Variants in NAV2 observed in about 807,000 individuals in gnomAD.
The protein encoded by NAV2 is neuron navigator 2.
NAV2 carries 54 observed loss-of-function variants against 223.2 expected under a neutral mutation model. That is an observed-to-expected ratio of 0.24 (90% CI 0.19 to 0.30). The LOEUF is 0.30. NAV2 is among the 10% of genes least tolerant of loss of function. The probability of loss-of-function intolerance (pLI) is 1.00; values close to 1 mark genes in which losing one functional copy is unlikely to be tolerated. For synonymous variants in NAV2, 1,279 were observed against 1,239.3 expected (o/e 1.03, Z -0.67); for missense variants, 2,806 against 3,147.5 (o/e 0.89, Z 2.60).
intron 1 of NAV2, among the ~76,000 whole-genome samples, chr11:19,728,434 A>G (rs2051441576): frequency 6.6e-6 from 1 of 152,206 alleles, no homozygotes; most frequent in Admixed American, 6.5e-5. Context: ...ATTCTGATGC[A>G]CACCCTGGGG....
chr11:19,508,033 G>C (rs1164701916), intron 1 of NAV2, among the ~76,000 whole-genome samples: 1 of 152,192 alleles, frequency 6.6e-6, no homozygotes, highest in East Asian at 1.9e-4. Flanking sequence ...ATTTCAGTTG[G>C]CTCTGAAAGG....
At position 19,957,880 on chromosome 11, in the gene NAV2, C is replaced by G. The variant is rs139563323; in HGVS notation, c.2645+8800C>G. On this transcript the variant is annotated intron_variant, in intron 10 of 37. Coordinates refer to ENST00000349880, the MANE Select transcript of NAV2 (RefSeq NM_145117.5). Reference sequence around the variant, plus strand: ...ACAGATGTCTAATGGCAAATGCTGGCTTAGTAATTTATGGGGAAGAGAGAG... The same window carrying G: ...ACAGATGTCTAATGGCAAATGCTGGGTTAGTAATTTATGGGGAAGAGAGAG... Among the ~76,000 whole-genome samples, 293 of 152,062 alleles carry G rather than the reference C, an allele frequency of 1.9e-3. 1 individual carries two copies. Among genetic ancestry groups the G allele is most frequent in the African/African-American group, 6.7e-3 (277 of 41,448 alleles).
intron 5 of NAV2, among the ~76,000 whole-genome samples, chr11:19,886,574 A>G (rs2040998165): frequency 6.6e-6 from 1 of 152,228 alleles, no homozygotes; most frequent in Non-Finnish European, 1.5e-5. Context: ...ATGCACATAC[A>G]TAGGAAAGGA....
At chr11:19,662,958 G>A (rs565205542) in intron 1 of NAV2, among the ~76,000 whole-genome samples, 1 of 152,302 alleles carries the variant, frequency 6.6e-6, no homozygotes, top group Admixed American at 6.5e-5. Context: ...GCCTCGTGGA[G>A]GTCCAAAGCC....
chr11:19,462,370 C>T (rs1279672007), intron 1 of NAV2, among the ~76,000 whole-genome samples: 1 of 152,156 alleles, frequency 6.6e-6, no homozygotes, highest in Non-Finnish European at 1.5e-5. Flanking sequence ...TTATTCCTAT[C>T]TTATAGGTGG....
intron 9 of NAV2, 87 bp from the exon 10 acceptor site, chr11:19,948,604 T>C: frequency 7.3e-7 from 1 of 1,376,186 alleles, no homozygotes; most frequent in Non-Finnish European, 9.6e-7. Context: ...ATGAGGATTA[T>C]TTCATAATTC....
chr11:19,958,413 G>C (rs559983415), intron 10 of NAV2, among the ~76,000 whole-genome samples: 6 of 152,338 alleles, frequency 3.9e-5, no homozygotes, highest in African/African-American at 1.4e-4. Context: ...CAGCATAAGA[G>C]TGGTGAGTGA....
chr11:19,823,602 A>G (rs1444586311), intron 1 of NAV2, among the ~76,000 whole-genome samples: 1 of 152,186 alleles, frequency 6.6e-6, no homozygotes, highest in African/African-American at 2.4e-5. Context: ...CAGCCTCCCA[A>G]AGTGCTGGGA....
At chr11:19,646,433 G>C (rs375386550) in intron 1 of NAV2, among the ~76,000 whole-genome samples, 4 of 152,186 alleles carry the variant, frequency 2.6e-5, no homozygotes, top group East Asian at 1.9e-4. Flanking sequence ...TGGCAGGCAG[G>C]CTTCCTCATT....
chr11:20,023,311 G>T, intron 11 of NAV2, among the ~76,000 whole-genome samples: 1 of 152,052 alleles, frequency 6.6e-6, no homozygotes, highest in Non-Finnish European at 1.5e-5. Context: ...GGGCAAGGTT[G>T]CTGGTCAGGA....
chr11:19,357,634 T>C (rs931640510), intron 1 of NAV2, among the ~76,000 whole-genome samples: 1 of 152,292 alleles, frequency 6.6e-6, no homozygotes, highest in Admixed American at 6.5e-5. Context: ...GCTACTGCAT[T>C]TGAGTTTCCT....
chr11:19,683,299 G>T (rs1246887378), intron 1 of NAV2, among the ~76,000 whole-genome samples: 1 of 152,208 alleles, frequency 6.6e-6, no homozygotes, highest in African/African-American at 2.4e-5. Flanking sequence ...GTCAGGGGTT[G>T]CGGGGTGTAA....
chr11:19,809,014 C>T (rs1276044147), intron 1 of NAV2, among the ~76,000 whole-genome samples: 1 of 152,190 alleles, frequency 6.6e-6, no homozygotes, highest in Non-Finnish European at 1.5e-5. Flanking sequence ...TGAGTTAGAG[C>T]TCAGGGTTGT....
chr11:20,066,248 G>T (rs1308199532), intron 20 of NAV2, among the ~76,000 whole-genome samples: 1 of 152,198 alleles, frequency 6.6e-6, no homozygotes, highest in Non-Finnish European at 1.5e-5. Flanking sequence ...TAAAAATAGT[G>T]CCTGGCACAC....
rs140712651 is a variant in NAV2 at position 19,501,006 on chromosome 11, C to T, written c.75+149979C>T. 1.1e-4 allele frequency among the ~76,000 whole-genome samples: 17 copies of T among 152,254 alleles called. No individual in the cohort carries two copies. The East Asian group carries it at 3.1e-3, about 28-fold the overall frequency. ...GAAGGGCTGTGTTTCTTTCTGGGTGCTCTGGGGGCAAAATCTGTTTCCTTG... is the reference window on the plus strand; with the variant it reads ...GAAGGGCTGTGTTTCTTTCTGGGTGTTCTGGGGGCAAAATCTGTTTCCTTG... On this transcript the variant is annotated intron_variant, in intron 1 of 37. Transcript: ENST00000360655.
chr11:19,459,502 G>C (rs190030684), intron 1 of NAV2, among the ~76,000 whole-genome samples: 12 of 152,298 alleles, frequency 7.9e-5, no homozygotes, highest in Admixed American at 7.8e-4. Context: ...GATCAGCCAG[G>C]CCTGGTCATG....
intron 1 of NAV2, among the ~76,000 whole-genome samples, chr11:19,821,131 A>T (rs376190625): frequency 2.6e-5 from 4 of 152,166 alleles, no homozygotes; most frequent in East Asian, 3.9e-4. Flanking sequence ...GCGTGGTGGC[A>T]GGCACCTGTA....
intron 1 of NAV2, among the ~76,000 whole-genome samples, chr11:19,773,292 G>A (rs944329455): frequency 2.0e-5 from 3 of 152,178 alleles, no homozygotes; most frequent in Non-Finnish European, 2.9e-5. Flanking sequence ...GAAAGGTCTG[G>A]AACAGAGGAC....
chr11:19,842,982 G>T, intron 3 of NAV2, 59 bp downstream of exon 3: 1 of 1,396,276 alleles, frequency 7.2e-7, no homozygotes, highest in South Asian at 1.2e-5. Context: ...GCCTCTAAGT[G>T]ATATTGACCA....
Sources: allele counts gnomAD v4.1 joint callset (sites outside exome capture counted in the v4.1 genomes callset), GRCh38; gene constraint gnomAD v4.1.1; transcripts MANE v1.5; gene names NCBI Gene and HGNC (gene_info 2026-07-23, HGNC 2026-07-21).